FSTL5: variants seen among roughly 807,000 people sequenced by gnomAD.
FSTL5 encodes follistatin-related protein 5.
In FSTL5, 62 loss-of-function variants were observed where a neutral mutation model predicts 89.1. That is an observed-to-expected ratio of 0.70 (90% CI 0.57 to 0.86). FSTL5 has a LOEUF of 0.86. Among genes scored for constraint, FSTL5 ranks in the 40% least tolerant of loss-of-function variants. The pLI is 0.00. For synonymous variants in FSTL5, 383 were observed against 346.2 expected (o/e 1.11, Z -1.18); for missense variants, 1,057 against 1,001.6 (o/e 1.06, Z -0.75).
intron 7 of FSTL5, among the ~76,000 whole-genome samples, chr4:161,608,862 T>C (rs982140281): frequency 1.8e-4 from 27 of 152,176 alleles, no homozygotes; most frequent in African/African-American, 6.0e-4. Flanking sequence ...TGTCAAATCT[T>C]TCAACTAGCC....
At chr4:162,026,060 C>T (rs557862913) in intron 3 of FSTL5, among the ~76,000 whole-genome samples, 392 of 148,404 alleles carry the variant, frequency 2.6e-3, no homozygotes, top group Non-Finnish European at 5.1e-3. Context: ...AAAAAAAAAA[C>T]GGAAATGTGA....
chr4:162,047,719 G>A (rs1473692607), intron 2 of FSTL5, among the ~76,000 whole-genome samples: 1 of 151,830 alleles, frequency 6.6e-6, no homozygotes, highest in Non-Finnish European at 1.5e-5. Flanking sequence ...CAGCTTTTTC[G>A]GAGGCTGAGG....
At chr4:161,563,721 C>A (rs1034207818) in intron 8 of FSTL5, among the ~76,000 whole-genome samples, 1 of 151,928 alleles carries the variant, frequency 6.6e-6, no homozygotes, top group South Asian at 2.1e-4. Flanking sequence ...TTATTTCTCC[C>A]CAACAATTTG....
intron 3 of FSTL5, among the ~76,000 whole-genome samples, chr4:161,975,806 T>C (rs367820305): frequency 7.5e-6 from 1 of 132,586 alleles, no homozygotes; most frequent in Non-Finnish European, 1.6e-5. Flanking sequence ...AAATAAAAAA[T>C]AAATAAAAAA....
At chr4:161,683,164 G>A (rs925880873) in intron 6 of FSTL5, among the ~76,000 whole-genome samples, 1 of 152,070 alleles carries the variant, frequency 6.6e-6, no homozygotes, top group Non-Finnish European at 1.5e-5. Flanking sequence ...GTACATAATT[G>A]TATGTGCTAT....
At chr4:161,772,272 A>C (rs1741235764) in intron 5 of FSTL5, among the ~76,000 whole-genome samples, 1 of 152,158 alleles carries the variant, frequency 6.6e-6, no homozygotes, top group Non-Finnish European at 1.5e-5. Flanking sequence ...AGAGTTATAT[A>C]TTACATTCTT....
intron 7 of FSTL5, among the ~76,000 whole-genome samples, chr4:161,588,920 C>T (rs370326151): frequency 1.6e-4 from 25 of 151,860 alleles, no homozygotes; most frequent in African/African-American, 5.8e-4. Context: ...CGAGAACATA[C>T]ATTTTCATGA....
At chr4:161,391,448 G>A (rs6823325) in intron 15 of FSTL5, among the ~76,000 whole-genome samples, 8,278 of 152,088 alleles carry the variant, frequency 0.054, 302 homozygotes, top group Admixed American at 0.086. Context: ...CTCAAAATAC[G>A]CTGTTTCAAT....
intron 6 of FSTL5, among the ~76,000 whole-genome samples, chr4:161,675,413 CTTAA>C (rs138427261): frequency 0.02 from 3,071 of 151,480 alleles, 39 homozygotes; most frequent in South Asian, 0.044. Flanking sequence ...TCTAAAACTG[CTTAA>C]TTATCAATTT....
chr4:161,425,185 T>G (rs1178038005), intron 15 of FSTL5, among the ~76,000 whole-genome samples: 1 of 152,210 alleles, frequency 6.6e-6, no homozygotes, highest in Middle Eastern at 3.2e-3. Context: ...GAGCTTCAAT[T>G]TTACGAATTT....
At chr4:162,034,835 T>C (rs867284914) in intron 2 of FSTL5, among the ~76,000 whole-genome samples, 3 of 152,102 alleles carry the variant, frequency 2.0e-5, no homozygotes, top group African/African-American at 7.2e-5. Context: ...TAATGACAAA[T>C]GTGTATTTAT....
intron 6 of FSTL5, among the ~76,000 whole-genome samples, chr4:161,673,820 A>T (rs1440147410): frequency 1.3e-5 from 2 of 151,974 alleles, no homozygotes. Flanking sequence ...ATATTAAATT[A>T]TTAGTAATAC....
At chr4:161,644,977 G>A (rs1736103088) in intron 7 of FSTL5, among the ~76,000 whole-genome samples, 1 of 152,100 alleles carries the variant, frequency 6.6e-6, no homozygotes. Flanking sequence ...GCCAGACTTG[G>A]TTTTCTAGCT....
intron 4 of FSTL5, among the ~76,000 whole-genome samples, chr4:161,907,243 T>C (rs1177343222): frequency 6.6e-6 from 1 of 152,158 alleles, no homozygotes; most frequent in African/African-American, 2.4e-5. Flanking sequence ...TCTACAAACT[T>C]ACATGCTCTT....
At chr4:161,986,649 T>C in intron 3 of FSTL5, among the ~76,000 whole-genome samples, 1 of 152,364 alleles carries the variant, frequency 6.6e-6, no homozygotes, top group East Asian at 1.9e-4. Context: ...CATTATTATT[T>C]AAATATTAGT....
At chr4:161,881,562 C>T (rs1473103172) in intron 4 of FSTL5, among the ~76,000 whole-genome samples, 4 of 152,032 alleles carry the variant, frequency 2.6e-5, no homozygotes, top group Admixed American at 6.6e-5. Flanking sequence ...TCAACTCCAG[C>T]GCGTTTTTTG....
In FSTL5 at chr4:161,530,144, C is replaced by A. The variant is rs1264401214; in HGVS notation, c.1312+8022G>T. ...TTTGTTTATGTTATCAGAATCTATT[C>A]TATTTCTAAAGTTTATGATAGTCAT... On this transcript the variant is annotated intron_variant, in intron 10 of 15. Coordinates refer to ENST00000306100, the MANE Select transcript of FSTL5 (RefSeq NM_020116.5). 2.8e-5 allele frequency among the ~76,000 whole-genome samples: 4 copies of A among 142,646 alleles called. No homozygotes were observed. In the South Asian group the frequency reaches 9.8e-4, roughly 35 times the overall value. 93.6% of individuals were successfully genotyped at this position (142,646 alleles called of 152,430 possible).
At chr4:161,832,817 C>G (rs917127439) in intron 4 of FSTL5, among the ~76,000 whole-genome samples, 6 of 149,784 alleles carry the variant, frequency 4.0e-5, no homozygotes, top group African/African-American at 1.5e-4. Flanking sequence ...TTTGTTGATC[C>G]TTTCAAAAAA....
intron 6 of FSTL5, among the ~76,000 whole-genome samples, chr4:161,703,086 G>C (rs1430469944): frequency 6.6e-6 from 1 of 152,130 alleles, no homozygotes; most frequent in Non-Finnish European, 1.5e-5. Flanking sequence ...AGGACGCAGA[G>C]AGAGAGGGTC....
Sources: allele counts gnomAD v4.1 joint callset (sites outside exome capture counted in the v4.1 genomes callset), GRCh38; gene constraint gnomAD v4.1.1; transcripts MANE v1.5; gene names NCBI Gene and HGNC (gene_info 2026-07-23, HGNC 2026-07-21).